The following DIAPH2 variants were observed in gnomAD, a reference collection of about 807,000 sequenced individuals.
DIAPH2 encodes protein diaphanous homolog 2.
In DIAPH2, 35 loss-of-function variants were observed where a neutral mutation model predicts 92.7. The ratio of observed to expected loss-of-function variants is 0.38; its 90% CI spans 0.29 to 0.50. DIAPH2 has a LOEUF of 0.50. Ranked by LOEUF, DIAPH2 falls within the 20% of genes least tolerant of loss-of-function variation. The pLI is 0.94. For missense variants in DIAPH2, 701 were observed against 819.5 expected, an observed-to-expected ratio of 0.86 and a Z score of 1.77; for synonymous variants, 301 against 280.4, an observed-to-expected ratio of 1.07 and a Z score of -0.73.
At chrX:97,073,456 A>C in intron 18 of DIAPH2, among the ~76,000 whole-genome samples, 1 of 112,171 alleles carries the variant, frequency 8.9e-6, no homozygotes, top group Middle Eastern at 4.6e-3. Context: ...TTGCGATGTG[A>C]GCTACTTAAA....
At chrX:97,369,484 C>G (rs963556924) in intron 24 of DIAPH2, among the ~76,000 whole-genome samples, 1 of 48,651 alleles carries the variant, frequency 2.1e-5, no homozygotes, top group African/African-American at 4.1e-5. Flanking sequence ...AATTTAAGGA[C>G]CACCATGACC....
intron 5 of DIAPH2, among the ~76,000 whole-genome samples, chrX:96,901,741 G>T (rs1021370146): frequency 4.6e-5 from 5 of 108,582 alleles, no homozygotes; most frequent in Non-Finnish European, 7.6e-5. Flanking sequence ...CACCATGTTG[G>T]CCAGGCTGGT....
At chrX:96,910,690 T>C (rs757271080) in intron 5 of DIAPH2, among the ~76,000 whole-genome samples, 1 of 111,750 alleles carries the variant, frequency 8.9e-6, no homozygotes, top group Non-Finnish European at 1.9e-5. Flanking sequence ...AAATACTTAC[T>C]TAGTGTTGGC....
In DIAPH2 at chrX:97,101,405, T is replaced by C. The variant is rs147686321; in HGVS notation, c.2349+1610T>C. On this transcript the variant is annotated intron_variant, in intron 20 of 26. Coordinates refer to ENST00000324765, the MANE Select transcript of DIAPH2 (RefSeq NM_006729.5). ...TCTGAACTAAAAGCAAAATAGAAAA[T>C]GGAAGAGATTTCTTGTTTATGCACA... 1.4e-3 allele frequency among the ~76,000 whole-genome samples: 161 copies of C among 111,163 alleles called. 1 individual carries two copies. The highest frequency in any genetic ancestry group is 5.1e-3 in the African/African-American group (157 of 30,658).
chrX:97,003,315 C>T (rs765708093), intron 17 of DIAPH2, among the ~76,000 whole-genome samples: 2 of 111,827 alleles, frequency 1.8e-5, no homozygotes, highest in Non-Finnish European at 3.8e-5. Flanking sequence ...TGGGCATATA[C>T]CCAGCAGTGA....
intron 24 of DIAPH2, among the ~76,000 whole-genome samples, chrX:97,352,378 G>A (rs1315950932): frequency 9.0e-6 from 1 of 111,070 alleles, no homozygotes; most frequent in Non-Finnish European, 1.9e-5. Context: ...ATGAATGAAA[G>A]CAGAATTGGA....
chrX:97,242,257 G>T (rs761712511), intron 22 of DIAPH2, among the ~76,000 whole-genome samples: 71 of 111,426 alleles, frequency 6.4e-4, no homozygotes, highest in African/African-American at 2.2e-3. Flanking sequence ...TCATTTCCCA[G>T]CCATAGTGGG....
At chrX:97,183,978 G>C (rs2067560882) in intron 22 of DIAPH2, among the ~76,000 whole-genome samples, 1 of 112,229 alleles carries the variant, frequency 8.9e-6, no homozygotes, top group Non-Finnish European at 1.9e-5. Flanking sequence ...GATATGTAGT[G>C]CTATAACCCC....
intron 17 of DIAPH2, among the ~76,000 whole-genome samples, chrX:97,029,428 G>T (rs2066357985): frequency 9.0e-6 from 1 of 110,645 alleles, no homozygotes; most frequent in South Asian, 3.8e-4. Flanking sequence ...TTTTTAATGG[G>T]GTCATCATTT....
chrX:96,921,822 C>T (rs2065546912), intron 9 of DIAPH2, among the ~76,000 whole-genome samples: 1 of 109,252 alleles, frequency 9.2e-6, no homozygotes, highest in Non-Finnish European at 1.9e-5. Context: ...TTCATATGCA[C>T]ATACACGTAT....
At chrX:96,726,947 C>A (rs2064023473) in intron 1 of DIAPH2, among the ~76,000 whole-genome samples, 1 of 111,712 alleles carries the variant, frequency 9.0e-6, no homozygotes, top group African/African-American at 3.3e-5. Flanking sequence ...GCCTTTTTAG[C>A]CTTTGATTCC....
chrX:97,029,301 C>A (rs1276947002), intron 17 of DIAPH2, among the ~76,000 whole-genome samples: 1 of 109,411 alleles, frequency 9.1e-6, no homozygotes, highest in Non-Finnish European at 1.9e-5. Flanking sequence ...GCACATGTCA[C>A]CACACCTGGC....
At chrX:97,154,982 A>G (rs2067311604) in intron 22 of DIAPH2, among the ~76,000 whole-genome samples, 1 of 112,150 alleles carries the variant, frequency 8.9e-6, no homozygotes, top group Admixed American at 9.5e-5. Context: ...TTTCGTAGGA[A>G]AAACATTCCA....
At chrX:97,129,122 T>TTTTC (rs1569308111) in intron 21 of DIAPH2, among the ~76,000 whole-genome samples, 5 of 74,948 alleles carry the variant, frequency 6.7e-5, no homozygotes, top group African/African-American at 3.1e-4. Context: ...TTTTCTTTTC[T>TTTTC]TTTCTTTTCT....
intron 20 of DIAPH2, among the ~76,000 whole-genome samples, chrX:97,111,809 C>G (rs1285558083): frequency 1.8e-5 from 2 of 111,873 alleles, no homozygotes; most frequent in Non-Finnish European, 3.8e-5. Context: ...GGCCTGCATT[C>G]AAATCTTCAG....
At chrX:97,164,422 G>T (rs182579064) in intron 22 of DIAPH2, among the ~76,000 whole-genome samples, 1 of 111,096 alleles carries the variant, frequency 9.0e-6, no homozygotes, top group African/African-American at 3.3e-5. Flanking sequence ...ACTGTCTGTC[G>T]GCAAAAGTGA....
chrX:96,745,988 C>T (rs1199275802), intron 3 of DIAPH2, among the ~76,000 whole-genome samples: 3 of 111,949 alleles, frequency 2.7e-5, no homozygotes, highest in Non-Finnish European at 5.6e-5. Flanking sequence ...CAGCCTCAAA[C>T]TCCTCGGCTC....
intron 17 of DIAPH2, among the ~76,000 whole-genome samples, chrX:96,976,096 C>T (rs1156561640): frequency 9.5e-6 from 1 of 104,947 alleles, no homozygotes; most frequent in Non-Finnish European, 2.0e-5. Context: ...ACTGCGGCCT[C>T]GACCTCCCAG....
At chrX:97,418,048 C>T (rs956180026) in intron 25 of DIAPH2, among the ~76,000 whole-genome samples, 2 of 111,408 alleles carry the variant, frequency 1.8e-5, no homozygotes, top group Non-Finnish European at 3.8e-5. Context: ...AGACACTGAA[C>T]AAAGGGCACC....
Sources: allele counts gnomAD v4.1 joint callset (sites outside exome capture counted in the v4.1 genomes callset), GRCh38; gene constraint gnomAD v4.1.1; transcripts MANE v1.5; gene names NCBI Gene and HGNC (gene_info 2026-07-23, HGNC 2026-07-21).